ADK: variants seen among roughly 807,000 people sequenced by gnomAD.
The protein encoded by ADK is adenosine kinase.
Under a neutral mutation model 44.7 loss-of-function variants are expected in ADK, and 24 were observed. The observed-to-expected ratio is 0.54, with a 90% CI of 0.39 to 0.76. The LOEUF (loss-of-function observed/expected upper bound fraction) is 0.76. ADK is among the 30% of genes least tolerant of loss of function. ADK has a pLI of 0.00. For missense variants in ADK, 321 were observed against 425.1 expected (o/e 0.76, Z 2.15); for synonymous variants, 128 against 142.6 (o/e 0.90, Z 0.73).
intron 9 of ADK, among the ~76,000 whole-genome samples, chr10:74,646,546 G>C (rs1214403764): frequency 1.3e-5 from 2 of 152,200 alleles, no homozygotes; most frequent in Non-Finnish European, 2.9e-5. Flanking sequence ...TGAGGAAAAA[G>C]CTATGGTGGC....
chr10:74,375,392 A>G (rs372831280), intron 4 of ADK, among the ~76,000 whole-genome samples: 1 of 152,200 alleles, frequency 6.6e-6, no homozygotes, highest in African/African-American at 2.4e-5. Context: ...ATATATGTCT[A>G]TTGTTTGTTA....
chr10:74,171,810 C>CTCTGTGTGTGTGTG (rs1554825180), intron 1 of ADK, among the ~76,000 whole-genome samples: 54 of 143,994 alleles, frequency 3.8e-4, no homozygotes, highest in African/African-American at 1.3e-3. Context: ...CTCTGTCTCT[C>CTCTGTGTGTGTGTG]TGTGTGTGTG....
intron 6 of ADK, among the ~76,000 whole-genome samples, chr10:74,432,223 T>C (rs1845025988): frequency 6.6e-6 from 1 of 152,172 alleles, no homozygotes; most frequent in African/African-American, 2.4e-5. Flanking sequence ...ACATTTGCTT[T>C]TGTTTCTCTT....
intron 2 of ADK, among the ~76,000 whole-genome samples, chr10:74,215,957 A>C (rs116559346): frequency 0.049 from 7,531 of 152,152 alleles, 649 homozygotes; most frequent in African/African-American, 0.17. Context: ...CGCCTGGCCT[A>C]AATCACTCTT....
intron 3 of ADK, among the ~76,000 whole-genome samples, chr10:74,298,465 A>G (rs892543248): frequency 6.6e-6 from 1 of 152,164 alleles, no homozygotes; most frequent in Admixed American, 6.5e-5. Context: ...AGAATTGAGG[A>G]CATTAGGCTC....
At chr10:74,340,439 A>G (rs909240445) in intron 4 of ADK, among the ~76,000 whole-genome samples, 2 of 152,178 alleles carry the variant, frequency 1.3e-5, no homozygotes, top group African/African-American at 2.4e-5. Flanking sequence ...GTTTCAGGTG[A>G]TATATCTTGC....
At chr10:74,233,969 T>C (rs1474061708) in intron 3 of ADK, among the ~76,000 whole-genome samples, 1 of 152,344 alleles carries the variant, frequency 6.6e-6, no homozygotes, top group South Asian at 2.1e-4. Context: ...ATTTATGGGA[T>C]GAAATTTATT....
At chr10:74,253,957 G>A (rs531936307) in intron 3 of ADK, among the ~76,000 whole-genome samples, 3 of 151,930 alleles carry the variant, frequency 2.0e-5, no homozygotes, top group South Asian at 4.2e-4. Context: ...AGTAGAGATG[G>A]GGTTTCACCA....
At chr10:74,550,613 G>T (rs1252706233) in intron 7 of ADK, among the ~76,000 whole-genome samples, 1 of 152,094 alleles carries the variant, frequency 6.6e-6, no homozygotes, top group Non-Finnish European at 1.5e-5. Context: ...GACACAGCTG[G>T]CTAGTAGTGT....
Position 74,258,514 on chromosome 10 carries a change from TTCAATTATACACTAA to T in ADK, c.194+33940_194+33954del, listed in dbSNP as rs535952372. 1.8e-4 allele frequency among the ~76,000 whole-genome samples: 28 copies of T among 152,290 alleles called. 1 individual carries two copies. The East Asian group carries it at 5.4e-3, about 29-fold the overall frequency. On this transcript the variant is annotated intron_variant, in intron 3 of 10. Coordinates refer to ENST00000539909, the MANE Select transcript of ADK (RefSeq NM_006721.4). ...TTAAAGTTGGTAAATCTACAACTGC[TTCAATTATACACTAA>T]TCAATTATACACTAATTTAATTCTA...
chr10:74,405,495 A>C (rs1243135093), intron 6 of ADK, among the ~76,000 whole-genome samples: 1 of 151,718 alleles, frequency 6.6e-6, no homozygotes, highest in Non-Finnish European at 1.5e-5. Flanking sequence ...TTATACTTTA[A>C]GTTTTAGGGT....
At chr10:74,298,743 CA>C (rs906542544) in intron 3 of ADK, among the ~76,000 whole-genome samples, 3 of 142,370 alleles carry the variant, frequency 2.1e-5, no homozygotes, top group Admixed American at 7.4e-5. Context: ...CTATCTCTAC[CA>C]AAAAAACCCC....
intron 9 of ADK, among the ~76,000 whole-genome samples, chr10:74,609,090 AC>A (rs1852445993): frequency 6.6e-6 from 1 of 151,968 alleles, no homozygotes; most frequent in African/African-American, 2.4e-5. Context: ...CCCTTCCCCC[AC>A]CAAGCTTGAG....
intron 7 of ADK, among the ~76,000 whole-genome samples, chr10:74,542,970 G>C (rs1010035403): frequency 1.3e-5 from 2 of 151,178 alleles, no homozygotes; most frequent in African/African-American, 4.9e-5. Context: ...GTGCGATCTC[G>C]GCTCACAGCA....
intron 9 of ADK, among the ~76,000 whole-genome samples, chr10:74,645,985 G>A (rs1236525821): frequency 6.6e-6 from 1 of 151,960 alleles, no homozygotes; most frequent in African/African-American, 2.4e-5. Flanking sequence ...CTGCAACTTC[G>A]ATCTTATTAA....
intron 3 of ADK, among the ~76,000 whole-genome samples, chr10:74,264,667 T>C (rs1210082579): frequency 1.3e-5 from 2 of 152,202 alleles, no homozygotes; most frequent in Non-Finnish European, 2.9e-5. Context: ...AAATGCTTTA[T>C]CTTCTTATGC....
At chr10:74,178,995 T>C (rs1842444222) in intron 1 of ADK, among the ~76,000 whole-genome samples, 1 of 152,228 alleles carries the variant, frequency 6.6e-6, no homozygotes, top group Admixed American at 6.5e-5. Context: ...AAAAGCTGTT[T>C]CTGTGGACAG....
intron 7 of ADK, among the ~76,000 whole-genome samples, chr10:74,578,180 G>A (rs1851261275): frequency 1.3e-5 from 2 of 152,256 alleles, no homozygotes; most frequent in South Asian, 4.1e-4. Flanking sequence ...CAAGGGTGCT[G>A]ATCTCTCCCC....
chr10:74,255,083 C>G (rs915158699), intron 3 of ADK, among the ~76,000 whole-genome samples: 1 of 152,060 alleles, frequency 6.6e-6, no homozygotes, highest in African/African-American at 2.4e-5. Flanking sequence ...GAAAAAAGGA[C>G]AGCTTTATTT....
Sources: allele counts gnomAD v4.1 joint callset (sites outside exome capture counted in the v4.1 genomes callset), GRCh38; gene constraint gnomAD v4.1.1; transcripts MANE v1.5; gene names NCBI Gene and HGNC (gene_info 2026-07-23, HGNC 2026-07-21).